The following DOCK7 variants were observed in gnomAD, a reference collection of about 807,000 sequenced individuals.
DOCK7 encodes dedicator of cytokinesis protein 7.
A neutral mutation model predicts 271.0 loss-of-function variants in DOCK7; 138 were observed. The observed-to-expected ratio is 0.51, with a 90% CI of 0.44 to 0.59. The LOEUF is 0.59. Ranked by LOEUF, DOCK7 falls within the 20% of genes least tolerant of loss-of-function variation. The pLI is 0.00. For synonymous variants in DOCK7, 823 were observed against 876.1 expected (o/e 0.94, Z 1.07); for missense variants, 2,066 against 2,592.4 (o/e 0.80, Z 4.41).
chr1:62,523,925 A>G (rs1278253573), intron 31 of DOCK7, among the ~76,000 whole-genome samples: 1 of 152,158 alleles, frequency 6.6e-6, no homozygotes, highest in African/African-American at 2.4e-5. Flanking sequence ...TAACCACCAA[A>G]TTCACCATTA....
chr1:62,475,497 GAA>G lies in DOCK7; in HGVS notation c.5962-148_5962-147del, dbSNP rs11330816. 6,207 of 871,162 alleles carry G rather than the reference GAA, an allele frequency of 7.1e-3. 3 individuals carry two copies. The highest frequency in any genetic ancestry group is 8.5e-3 in the East Asian group (262 of 30,904). The allele number at this position is 871,162 out of a possible 1,614,324, so 54.0% of individuals were successfully genotyped here. On this transcript the variant is annotated intron_variant, in intron 46 of 49. Coordinates refer to ENST00000635253, the MANE Select transcript of DOCK7 (RefSeq NM_001367561.1). The stretch of plus-strand genomic sequence containing the variant: ...AAATTCCAAACTTGGATTCCTAAAT[GAA>G]AAAAAAAAAATCAACCTTTTAAAGA...
At chr1:62,589,865 G>C (rs1648175227) in intron 14 of DOCK7, among the ~76,000 whole-genome samples, 1 of 139,004 alleles carries the variant, frequency 7.2e-6, no homozygotes. Flanking sequence ...CTGGGTGACA[G>C]AGCAAGACTC....
At chr1:62,660,329 C>G (rs1023315196) in intron 2 of DOCK7, among the ~76,000 whole-genome samples, 13 of 151,954 alleles carry the variant, frequency 8.6e-5, no homozygotes, top group African/African-American at 3.1e-4. Context: ...CCATGAGTTA[C>G]AAAAGTCTGA....
At chr1:62,641,415 T>C (rs147716698) in intron 7 of DOCK7, 2 of 402,138 alleles carry the variant, frequency 5.0e-6, no homozygotes, top group South Asian at 3.7e-5. Flanking sequence ...CCATCAAACA[T>C]CTTGAGGTGG....
intron 22 of DOCK7, among the ~76,000 whole-genome samples, chr1:62,549,588 T>G (rs2149414275): frequency 6.6e-6 from 1 of 152,342 alleles, no homozygotes; most frequent in East Asian, 1.9e-4. Flanking sequence ...TCATGTGTAC[T>G]AATCACATCA....
At chr1:62,593,473 G>A (rs566496327) in intron 14 of DOCK7, among the ~76,000 whole-genome samples, 65 of 152,184 alleles carry the variant, frequency 4.3e-4, no homozygotes, top group Non-Finnish European at 6.5e-4. Context: ...GGGAAGCTGA[G>A]ACAGGAGAAT....
Position 62,475,917 on chromosome 1 carries a change from C to A in DOCK7, c.5751G>T (p.Glu1917Asp). 1 of 1,613,858 alleles carries A rather than the reference C, an allele frequency of 6.2e-7. No individual in the cohort carries two copies. Among genetic ancestry groups the A allele is most frequent in the South Asian group, 1.1e-5 (1 of 91,072 alleles). ...NKAYIQITYV[E>D]PYFDTYEMKD... is the part of the protein sequence containing the mutation. ...TCATCTCATATGTGTCAAAGTATGG[C>A]TCCACATAGGTAATCTGAATATATG... Residue 1917 changes from glutamate (E) to aspartate (D), a missense_variant, in exon 46 of 50, where the codon GAG becomes GAT. By Grantham distance (45) the Glu-to-Asp change is conservative. Around this residue, in one of 2 missense-constraint regions of DOCK7, gnomAD observed 652 missense variants for 922.1 expected, o/e 0.71. Transcript: ENST00000635253.
In DOCK7 at chr1:62,553,354, ATTTTTTTTTTTTTTTT is replaced by A. The variant is rs1159680880; in HGVS notation, c.2597-469_2597-454del. Among the ~76,000 whole-genome samples the A allele has an allele frequency of 6.7e-3, 116 of 17,272 alleles. 1 individual carries two copies. The highest frequency in any genetic ancestry group is 0.033 in the Middle Eastern group (1 of 30). 11.3% of individuals were successfully genotyped at this position (17,272 alleles called of 152,430 possible). A position where few individuals can be genotyped will look rare whatever the true frequency, so the allele number is the denominator to read the frequency against. On this transcript the variant is annotated intron_variant, in intron 21 of 49. Transcript: ENST00000635253. ...TATATATATATATATATATATATATATTTTTTTTTTTTTTTTTTTTTTTTTTTTTTTAATAGGCAGG... is the reference window on the plus strand; with the variant it reads ...TATATATATATATATATATATATATATTTTTTTTTTTTTTTAATAGGCAGG...
chr1:62,630,701 T>TA (rs920787410), intron 11 of DOCK7, among the ~76,000 whole-genome samples: 3 of 151,752 alleles, frequency 2.0e-5, no homozygotes, highest in Admixed American at 2.0e-4. Flanking sequence ...ATCAACATTA[T>TA]AAAAAATCAA....
intron 2 of DOCK7, among the ~76,000 whole-genome samples, chr1:62,655,082 T>C (rs1245599000): frequency 6.6e-6 from 1 of 152,224 alleles, no homozygotes; most frequent in Non-Finnish European, 1.5e-5. Flanking sequence ...TTGTAGTACT[T>C]TGTTACAGTA....
intron 18 of DOCK7, among the ~76,000 whole-genome samples, chr1:62,574,136 T>C (rs1203858095): frequency 6.6e-6 from 1 of 152,136 alleles, no homozygotes; most frequent in Non-Finnish European, 1.5e-5. Context: ...AAATGCCATG[T>C]TTCTAATTCA....
Position 62,604,157 on chromosome 1 carries a change from C to T in DOCK7, c.1682+14549G>A, listed in dbSNP as rs1401204125. The T allele has an allele frequency of 4.3e-6, 7 of 1,613,052 alleles. No individual in the cohort carries two copies. In the Admixed American group the frequency reaches 8.3e-5, roughly 19 times the overall value. On this transcript the variant is annotated intron_variant, in intron 14 of 49. Transcript: ENST00000635253. ...TACTGGCAATGTCCCCAATGCAATC[C>T]CGGAAAACAAAGATTTGGTGTTTTC...
At chr1:62,461,572 C>A (rs1645527428) in intron 48 of DOCK7, among the ~76,000 whole-genome samples, 1 of 150,784 alleles carries the variant, frequency 6.6e-6, no homozygotes, top group Admixed American at 6.6e-5. Flanking sequence ...GAGGCTGAGG[C>A]AGGAGGATCG....
At chr1:62,479,840 C>T (rs1299441164) in intron 43 of DOCK7, 1 of 182,636 alleles carries the variant, frequency 5.5e-6, no homozygotes, top group African/African-American at 2.3e-5. Context: ...CATGCCACCA[C>T]ACCCAGCTAA....
chr1:62,522,657 G>A (rs1644886346), intron 31 of DOCK7, among the ~76,000 whole-genome samples: 1 of 151,790 alleles, frequency 6.6e-6, no homozygotes, highest in Non-Finnish European at 1.5e-5. Flanking sequence ...ATTCAACACT[G>A]TACTGGAGGT....
At chr1:62,487,525 G>C in intron 42 of DOCK7, 113 bp from the exon 43 acceptor site, 2 of 910,956 alleles carry the variant, frequency 2.2e-6, no homozygotes, top group Non-Finnish European at 3.5e-6. Context: ...AAGACAGCAG[G>C]ATATTTTAAA....
chr1:62,587,566 A>G (rs1232189020), intron 14 of DOCK7, among the ~76,000 whole-genome samples: 1 of 146,004 alleles, frequency 6.8e-6, no homozygotes, highest in Non-Finnish European at 1.5e-5. Context: ...ATTCATTACA[A>G]CATTTTTGAT....
At chr1:62,550,909 C>T (rs995047926) in intron 22 of DOCK7, among the ~76,000 whole-genome samples, 3 of 151,734 alleles carry the variant, frequency 2.0e-5, no homozygotes, top group Non-Finnish European at 4.4e-5. Flanking sequence ...TTAGTAGAGG[C>T]GAGGTTTCAC....
At chr1:62,489,618 A>AAT (rs1160619545) in intron 41 of DOCK7, among the ~76,000 whole-genome samples, 2 of 152,176 alleles carry the variant, frequency 1.3e-5, no homozygotes, top group Admixed American at 6.5e-5. Context: ...TGTGTATATT[A>AAT]ATATATATAC....
Sources: allele counts gnomAD v4.1 joint callset (sites outside exome capture counted in the v4.1 genomes callset), GRCh38; gene constraint gnomAD v4.1.1; regional missense constraint gnomAD v4.1.1; transcripts MANE v1.5; gene names NCBI Gene and HGNC (gene_info 2026-07-23, HGNC 2026-07-21).